Variants in ZNF407 observed in about 807,000 individuals in gnomAD.
The protein encoded by ZNF407 is zinc finger protein 407.
ZNF407 carries 17 observed loss-of-function variants against 131.2 expected under a neutral mutation model. The ratio of observed to expected loss-of-function variants is 0.13; its 90% confidence interval spans 0.09 to 0.19. The LOEUF is 0.19. Among genes scored for constraint, ZNF407 ranks in the 10% least tolerant of loss-of-function variants. The pLI is 1.00. For missense variants in ZNF407, 2,681 were observed against 2,830.6 expected, an observed-to-expected ratio of 0.95 and a Z score of 1.20; for synonymous variants, 1,156 against 1,062.0, an observed-to-expected ratio of 1.09 and a Z score of -1.72.
At chr18:74,968,197 A>G (rs1324994554) in intron 8 of ZNF407, among the ~76,000 whole-genome samples, 1 of 152,188 alleles carries the variant, frequency 6.6e-6, no homozygotes, top group African/African-American at 2.4e-5. Flanking sequence ...AGGTATTAGC[A>G]TATACATGCG....
chr18:75,017,222 C>A (rs747763763), intron 8 of ZNF407, among the ~76,000 whole-genome samples: 1 of 152,132 alleles, frequency 6.6e-6, no homozygotes, highest in Non-Finnish European at 1.5e-5. Flanking sequence ...AAGGTCTTTG[C>A]AATTTACAAA....
At chr18:74,978,873 C>A (rs1972556864) in intron 8 of ZNF407, among the ~76,000 whole-genome samples, 2 of 151,980 alleles carry the variant, frequency 1.3e-5, no homozygotes, top group Non-Finnish European at 2.9e-5. Flanking sequence ...AGAAGGAATC[C>A]AAGACTAAAG....
intron 4 of ZNF407, among the ~76,000 whole-genome samples, chr18:74,792,306 C>T (rs1172499489): frequency 2.0e-5 from 3 of 151,880 alleles, no homozygotes; most frequent in African/African-American, 7.3e-5. Flanking sequence ...TTCAGCAGAA[C>T]ATGTAGATGA....
chr18:75,037,382 T>G (rs538881704), intron 8 of ZNF407, among the ~76,000 whole-genome samples: 1 of 152,268 alleles, frequency 6.6e-6, no homozygotes, highest in South Asian at 2.1e-4. Flanking sequence ...CTCCCCTTTT[T>G]GGTAGCAAAG....
intron 8 of ZNF407, among the ~76,000 whole-genome samples, chr18:75,027,086 T>C (rs544584383): frequency 6.6e-6 from 1 of 152,250 alleles, no homozygotes; most frequent in Admixed American, 6.5e-5. Context: ...GAACTGGGGA[T>C]TGTATTGTAC....
In ZNF407 at chr18:74,920,615, T is replaced by A. The variant is rs759364395; in HGVS notation, c.5351T>A (p.Val1784Asp). Reference protein sequence around the residue: ...NCPKCDYGTNVPVEFRNHLKE... With the variant: ...NCPKCDYGTNDPVEFRNHLKE... ...CCCAAGTGTGACTACGGGACCAACG[T>A]CCCGGTGGAGTTCCGGAACCATTTG... Residue 1784 changes from valine (V) to aspartate (D), a missense_variant, in exon 8 of 9, where the codon GTC (valine) becomes GAC (aspartate). This residue lies in a region of ZNF407 where 39 missense variants were observed against 91.8 expected (regional missense o/e 0.42). Coordinates refer to ENST00000299687, the MANE Select transcript of ZNF407 (RefSeq NM_017757.3). 1 of 1,611,528 alleles carries A rather than the reference T, an allele frequency of 6.2e-7. No individual in the cohort carries two copies. Among genetic ancestry groups the A allele is most frequent in the Admixed American group, 1.7e-5 (1 of 59,974 alleles).
At chr18:74,824,428 G>C (rs1302852360) in intron 4 of ZNF407, among the ~76,000 whole-genome samples, 1 of 150,394 alleles carries the variant, frequency 6.6e-6, no homozygotes, top group Non-Finnish European at 1.5e-5. Context: ...TTCAGGAGCT[G>C]GTTTTTTGAA....
In ZNF407 at chr18:74,632,139, A is replaced by G. The variant is rs779798640; in HGVS notation, c.1120A>G (p.Asn374Asp). The G allele has an allele frequency of 1.2e-6, 2 of 1,613,930 alleles. No homozygotes were observed. Among genetic ancestry groups the G allele is most frequent in the African/African-American group, 1.3e-5 (1 of 74,938 alleles). ...EHVTSLGLAQNPENQSRKLDT... is the reference protein window; with the variant it reads ...EHVTSLGLAQDPENQSRKLDT... Reference sequence around the variant, plus strand: ...TGTTACTTCCCTTGGTCTAGCTCAGAATCCTGAAAACCAGAGTAGAAAGCT... The same window carrying G: ...TGTTACTTCCCTTGGTCTAGCTCAGGATCCTGAAAACCAGAGTAGAAAGCT... The change falls in exon 2 of 9, where the codon AAT (asparagine) becomes GAT (aspartate). Residue 374 changes from asparagine to aspartate, a missense_variant. By Grantham distance (23) the Asn-to-Asp change is conservative (BLOSUM62 1). Around this residue, in one of 6 missense-constraint regions of ZNF407, gnomAD observed 1,789 missense variants for 1,748.7 expected, o/e 1.02. Coordinates refer to ENST00000299687, the MANE Select transcript of ZNF407 (RefSeq NM_017757.3).
chr18:74,693,876 C>A (rs913107840), intron 3 of ZNF407, among the ~76,000 whole-genome samples: 2 of 151,916 alleles, frequency 1.3e-5, no homozygotes, highest in African/African-American at 2.4e-5. Context: ...TATATATTAG[C>A]CTGTTTGATA....
At position 75,064,368 on chromosome 18, in the gene ZNF407, C is replaced by T; in HGVS notation, c.6647C>T (p.Ala2216Val). 1 of 1,580,010 alleles carries T rather than the reference C, an allele frequency of 6.3e-7. No individual in the cohort carries two copies. The highest frequency in any genetic ancestry group is 1.2e-5 in the South Asian group (1 of 86,400). The change falls in exon 9 of 9, where the codon GCA becomes GTA. Residue 2216 changes from alanine (A) to valine (V), a missense_variant. Ala to Val is a moderately conservative substitution (Grantham distance 64, BLOSUM62 0). Around this residue, in one of 6 missense-constraint regions of ZNF407, gnomAD observed 620 missense variants for 583.1 expected, o/e 1.06. Transcript: ENST00000299687. ...ACAGAGGCCGGGGCCCCAAGCAGGG[C>T]AGAGCAGCTGGCCAGCGTGGTCATC... Reference protein sequence around the residue: ...LGTEAGAPSRAEQLASVVIYT... With the variant: ...LGTEAGAPSRVEQLASVVIYT...
chr18:74,901,069 G>A (rs1010628419), intron 7 of ZNF407, among the ~76,000 whole-genome samples: 3 of 152,138 alleles, frequency 2.0e-5, no homozygotes, highest in East Asian at 1.9e-4. Flanking sequence ...GATAGGGAAC[G>A]TGATTTGTTT....
chr18:74,879,439 G>A (rs1971208971), intron 5 of ZNF407, among the ~76,000 whole-genome samples: 1 of 152,086 alleles, frequency 6.6e-6, no homozygotes, highest in South Asian at 2.1e-4. Flanking sequence ...TGGAGGGAAC[G>A]ATTTTGCCTC....
intron 4 of ZNF407, among the ~76,000 whole-genome samples, chr18:74,815,054 G>A (rs1970249388): frequency 1.3e-5 from 2 of 150,778 alleles, no homozygotes; most frequent in South Asian, 4.2e-4. Context: ...ATGACCAGAA[G>A]TATAACAATA....
chr18:74,698,728 A>G (rs539121813), intron 3 of ZNF407, among the ~76,000 whole-genome samples: 129 of 152,294 alleles, frequency 8.5e-4, no homozygotes, highest in African/African-American at 3.0e-3. Context: ...GAATTGTAGC[A>G]TAGTATGGTG....
chr18:74,945,376 C>A (rs1232567159), intron 8 of ZNF407, among the ~76,000 whole-genome samples: 1 of 152,126 alleles, frequency 6.6e-6, no homozygotes, highest in Non-Finnish European at 1.5e-5. Context: ...GTTGATGTTT[C>A]TTCCAGCAAT....
chr18:75,007,711 C>T (rs549097764), intron 8 of ZNF407, among the ~76,000 whole-genome samples: 5 of 152,148 alleles, frequency 3.3e-5, no homozygotes, highest in Non-Finnish European at 7.3e-5. Context: ...GTGCTTTGCT[C>T]AGAGCCAAGG....
chr18:74,730,623 C>G (rs1198158339), intron 3 of ZNF407, among the ~76,000 whole-genome samples: 2 of 152,168 alleles, frequency 1.3e-5, no homozygotes, highest in Non-Finnish European at 2.9e-5. Flanking sequence ...GTATCTTGTT[C>G]AACATTGATT....
chr18:74,768,899 A>T (rs1969302148), intron 3 of ZNF407, among the ~76,000 whole-genome samples: 1 of 152,108 alleles, frequency 6.6e-6, no homozygotes, highest in Admixed American at 6.5e-5. Context: ...GATGAAAATG[A>T]TATTTATAGA....
At chr18:75,057,664 G>A (rs1973576222) in intron 8 of ZNF407, among the ~76,000 whole-genome samples, 1 of 152,098 alleles carries the variant, frequency 6.6e-6, no homozygotes, top group South Asian at 2.1e-4. Context: ...TCATTTTAGG[G>A]AACATTGATT....
Sources: gnomAD v4.1 joint callset for allele counts (sites outside exome capture counted in the v4.1 genomes callset) on GRCh38, gnomAD v4.1.1 for gene constraint, gnomAD v4.1.1 regional missense constraint, MANE v1.5 for transcripts, NCBI Gene and HGNC (gene_info 2026-07-23, HGNC 2026-07-21) for gene names.